Variants in ARL10 observed in about 807,000 individuals in gnomAD.
ARL10 encodes the protein ARF like GTPase 10, also known as ADP-ribosylation factor-like protein 10.
ARL10 carries 23 observed loss-of-function variants against 26.1 expected under a neutral mutation model. The ratio of observed to expected loss-of-function variants is 0.88; its 90% CI spans 0.63 to 1.25. The LOEUF (loss-of-function observed/expected upper bound fraction) is 1.25. ARL10 is among the 50% of genes most tolerant of loss of function. The probability of loss-of-function intolerance (pLI) is 0.00; values close to 1 mark genes in which losing one functional copy is unlikely to be tolerated. For missense variants in ARL10, 300 were observed against 323.6 expected (o/e 0.93, Z 0.56); for synonymous variants, 138 against 149.1 (o/e 0.93, Z 0.54).
intron 1 of ARL10, 47 bp from the exon 2 acceptor site, chr5:176,366,333 T>C: frequency 1.3e-6 from 2 of 1,555,444 alleles, no homozygotes; most frequent in East Asian, 2.4e-5. Context: ...TCGGGAAAGG[T>C]CCTTCGGGAG....
chr5:176,414,131 C>T, the ARL10 span, among the ~76,000 whole-genome samples: 1 of 152,172 alleles, frequency 6.6e-6, no homozygotes, highest in Non-Finnish European at 1.5e-5. Context: ...ACAATGGCTC[C>T]CCTCAGCAGG....
At chr5:176,406,769 G>A, downstream of ARL10, 1 of 1,208,852 alleles carries the variant, frequency 8.3e-7, no homozygotes, top group Non-Finnish European at 1.1e-6. Context: ...GAAAGTGTTG[G>A]GTGTGCACAG....
At chr5:176,398,419 AT>A (rs1214186300) in intron 1 of ARL10, among the ~76,000 whole-genome samples, 4 of 152,188 alleles carry the variant, frequency 2.6e-5, no homozygotes, top group Non-Finnish European at 4.4e-5. Flanking sequence ...TGAGTTAAAA[AT>A]TATAAAGAAT....
chr5:176,369,121 G>A (rs777183555), intron 3 of ARL10, 139 bp downstream of exon 3: 1 of 1,535,970 alleles, frequency 6.5e-7, no homozygotes. Context: ...CCTATGCCCT[G>A]TCCTGATCCC....
At position 176,365,569 on chromosome 5, in the gene ARL10, G is replaced by T; in HGVS notation, c.6G>T (p.Ala2=). The T allele has an allele frequency of 8.1e-7, 1 of 1,233,912 alleles. No individual in the cohort carries two copies. The highest frequency in any genetic ancestry group is 1.0e-6 in the Non-Finnish European group (1 of 988,680). The allele number at this position is 1,233,912 out of a possible 1,614,324, so 76.4% of individuals were successfully genotyped here. Residue 2 remains alanine (A), a synonymous_variant, in exon 1 of 4, where the codon GCG becomes GCT. Coordinates refer to ENST00000310389, the MANE Select transcript of ARL10 (RefSeq NM_173664.6). ...TGCGTCCCTCGCCCGGCCCGATGGC[G>T]CCGCGGCCGCTGGGCCCCTTGGTGC... M[A]PRPLGPLVLA... is the part of the protein sequence containing the mutation.
chr5:176,369,053 C>G (rs533984316), intron 3 of ARL10, 71 bp downstream of exon 3: 2 of 1,577,926 alleles, frequency 1.3e-6, no homozygotes, highest in African/African-American at 1.3e-5. Context: ...GGGCAAGGAG[C>G]GCTGCCTGGG....
At chr5:176,411,700 T>C in the ARL10 span, among the ~76,000 whole-genome samples, 1 of 152,134 alleles carries the variant, frequency 6.6e-6, no homozygotes, top group Non-Finnish European at 1.5e-5. Context: ...TAACAAGGAC[T>C]CAATAAATAT....
At chr5:176,399,567 G>A (rs1756710489) in intron 1 of ARL10, among the ~76,000 whole-genome samples, 1 of 151,864 alleles carries the variant, frequency 6.6e-6, no homozygotes, top group African/African-American at 2.4e-5. Flanking sequence ...CACAGCAAGA[G>A]TCTGTCACTA....
chr5:176,409,293 GA>G, the ARL10 span, among the ~76,000 whole-genome samples: 13,699 of 103,014 alleles, frequency 0.13, 1,461 homozygotes, highest in African/African-American at 0.36. Context: ...TTTTAAAATT[GA>G]AAAAAAAAAA....
chr5:176,384,933 C>A (rs1457052047), downstream of ARL10: 4 of 561,854 alleles, frequency 7.1e-6, no homozygotes, highest in Non-Finnish European at 1.3e-5. Flanking sequence ...AGACTTCCAT[C>A]CTGGGTGACT....
downstream of ARL10, among the ~76,000 whole-genome samples, chr5:176,403,921 C>T (rs1561796326): frequency 6.6e-6 from 1 of 151,288 alleles, no homozygotes; most frequent in African/African-American, 2.4e-5. Flanking sequence ...CCACCACACC[C>T]GACTAATGTT....
intron 1 of ARL10, among the ~76,000 whole-genome samples, chr5:176,394,621 T>C (rs921226920): frequency 1.2e-4 from 18 of 151,480 alleles, no homozygotes; most frequent in East Asian, 2.0e-4. Flanking sequence ...GAGAGCATCC[T>C]GGCTAACACG....
chr5:176,414,960 T>G, the ARL10 span, among the ~76,000 whole-genome samples: 1 of 152,176 alleles, frequency 6.6e-6, no homozygotes, highest in Non-Finnish European at 1.5e-5. Context: ...TAAACATCAT[T>G]AACCAAAATA....
At chr5:176,414,915 T>C in the ARL10 span, among the ~76,000 whole-genome samples, 3 of 152,208 alleles carry the variant, frequency 2.0e-5, no homozygotes, top group Non-Finnish European at 4.4e-5. Flanking sequence ...TCAGTAAACG[T>C]TGAATGGATA....
chr5:176,373,982 A>G lies in ARL10; in HGVS notation c.*2087A>G, dbSNP rs1768620999. ...AAAGCAGTTCAGAATGCTCAGCCCC[A>G]CAATGTGTGTAGGCTACATTTATAG... On this transcript the variant is annotated 3_prime_UTR_variant, in exon 4 of 4. Coordinates refer to ENST00000310389, the MANE Select transcript of ARL10 (RefSeq NM_173664.6). The G allele has an allele frequency of 6.6e-6, 1 of 152,172 alleles. No individual in the cohort carries two copies. The highest frequency in any genetic ancestry group is 6.5e-5 in the Admixed American group (1 of 15,286). The allele number at this position is 152,172 out of a possible 1,614,324, so 9.4% of individuals were successfully genotyped here.
chr5:176,387,050 G>T, intron 1 of ARL10: 1 of 662,294 alleles, frequency 1.5e-6, no homozygotes, highest in Non-Finnish European at 2.7e-6. Flanking sequence ...GAGAACTAAT[G>T]CCCTGGAGGC....
At chr5:176,366,928 T>C (rs1768330287) in intron 2 of ARL10, among the ~76,000 whole-genome samples, 1 of 151,728 alleles carries the variant, frequency 6.6e-6, no homozygotes, top group South Asian at 2.1e-4. Context: ...AATCGGTCAC[T>C]ACCCTCGTTA....
chr5:176,413,925 C>G, the ARL10 span, among the ~76,000 whole-genome samples: 9 of 152,292 alleles, frequency 5.9e-5, no homozygotes, highest in African/African-American at 2.2e-4. Context: ...AAGAAGCGAG[C>G]GTGTCATTGT....
chr5:176,387,077 TC>T (rs1755913345), intron 1 of ARL10: 108 of 336,030 alleles, frequency 3.2e-4, no homozygotes, highest in Middle Eastern at 7.3e-4. Flanking sequence ...TCTCTCTCTC[TC>T]TTTTTTTTTT....
Sources: allele counts gnomAD v4.1 joint callset (sites outside exome capture counted in the v4.1 genomes callset), GRCh38; gene constraint gnomAD v4.1.1; transcripts MANE v1.5; gene names NCBI Gene and HGNC (gene_info 2026-07-23, HGNC 2026-07-21).